Variants in GNAS-AS1 observed in about 807,000 individuals in gnomAD.
The protein encoded by GNAS-AS1 is GNAS antisense RNA 1 (non-protein coding).
chr20:58,823,235 A>G (rs1238318639), intron 4 of GNAS-AS1, among the ~76,000 whole-genome samples: 1 of 152,208 alleles, frequency 6.6e-6, no homozygotes, highest in African/African-American at 2.4e-5. Context: ...TAATATCCCC[A>G]GCTGTTTAAA....
chr20:58,827,965 T>C (rs755072098), intron 4 of GNAS-AS1, among the ~76,000 whole-genome samples: 5 of 150,732 alleles, frequency 3.3e-5, no homozygotes, highest in African/African-American at 4.9e-5. Context: ...TAAGAAGTCA[T>C]GGCTGGGAGA....
intron 4 of GNAS-AS1, among the ~76,000 whole-genome samples, chr20:58,832,950 T>C (rs764408145): frequency 4.6e-5 from 7 of 152,352 alleles, no homozygotes; most frequent in African/African-American, 1.2e-4. Flanking sequence ...TGTCCTCTAA[T>C]TGTGAGTGTG....
rs1457316562 is a variant in GNAS-AS1, at chr20:58,840,768, C to T, written n.819+1169G>A. 1.9e-6 allele frequency: 3 copies of T among 1,608,296 alleles called. No homozygotes were observed. The South Asian group carries it at 3.3e-5, about 18-fold the overall frequency. On this transcript the variant is annotated intron_variant and non_coding_transcript_variant, in intron 4 of 4. Coordinates refer to ENST00000424094, the Ensembl canonical transcript of GNAS-AS1. This position sits in a 1 kb window ranked among gnomAD's most constrained non-coding sequence, Gnocchi z 6.0. ...GAGAAGCAGCGGCGTCGCTGCAAGCCAAAGAAGCCCACCCGCCGTGACGCG... is the reference window on the plus strand; with the variant it reads ...GAGAAGCAGCGGCGTCGCTGCAAGCTAAAGAAGCCCACCCGCCGTGACGCG...
intron 4 of GNAS-AS1, among the ~76,000 whole-genome samples, chr20:58,827,995 G>GTT (rs11474601): frequency 0.58 from 87,834 of 151,984 alleles, 26,256 homozygotes; most frequent in East Asian, 0.8. Context: ...TATGTTATCA[G>GTT]TCACAGTGTA....
intron 2 of GNAS-AS1, among the ~76,000 whole-genome samples, chr20:58,846,670 C>T (rs754823030): frequency 4.6e-5 from 7 of 152,216 alleles, no homozygotes; most frequent in Non-Finnish European, 1.0e-4. Flanking sequence ...CAGAAGACCA[C>T]GTTTCTTCTC....
At chr20:58,832,235 T>A (rs886441435) in intron 4 of GNAS-AS1, among the ~76,000 whole-genome samples, 3 of 152,184 alleles carry the variant, frequency 2.0e-5, no homozygotes, top group African/African-American at 7.2e-5. Flanking sequence ...AAATATATGA[T>A]ATATATTCAC....
At chr20:58,832,563 A>C (rs1271479315) in intron 4 of GNAS-AS1, among the ~76,000 whole-genome samples, 1 of 152,204 alleles carries the variant, frequency 6.6e-6, no homozygotes, top group Non-Finnish European at 1.5e-5. Flanking sequence ...TACAGTCTAA[A>C]ATCATCATTA....
chr20:58,824,036 G>A (rs555056248), intron 4 of GNAS-AS1: 127 of 398,686 alleles, frequency 3.2e-4, no homozygotes, highest in Admixed American at 1.2e-3. Context: ...TTCCTGACAC[G>A]CTCTCTTTGG....
chr20:58,822,494 G>T (rs1038093799), intron 4 of GNAS-AS1, among the ~76,000 whole-genome samples: 2 of 152,150 alleles, frequency 1.3e-5, no homozygotes, highest in African/African-American at 4.8e-5. Context: ...ATGGCCAAAG[G>T]CTTCTGTAAA....
intron 4 of GNAS-AS1, among the ~76,000 whole-genome samples, chr20:58,833,527 G>A (rs1400460994): frequency 6.6e-6 from 1 of 152,122 alleles, no homozygotes; most frequent in Non-Finnish European, 1.5e-5. Context: ...CAGTGGAGGT[G>A]ACCTTGTAGA....
At position 58,824,913 on chromosome 20, in the gene GNAS-AS1, G is replaced by A. The variant is rs900221104; in HGVS notation, n.820-5658C>T. On this transcript the variant is annotated intron_variant and non_coding_transcript_variant, in intron 4 of 4. Transcript: ENST00000424094. ...CAGAAAAGCTGGGAGTGAGAACAGA[G>A]GTGAGTGGATGGGTTCTGTGAGAGG... Among the ~76,000 whole-genome samples the A allele has an allele frequency of 6.6e-5, 10 of 152,312 alleles. 1 individual carries two copies. Among genetic ancestry groups the A allele is most frequent in the Admixed American group, 2.6e-4 (4 of 15,304 alleles).
intron 2 of GNAS-AS1, among the ~76,000 whole-genome samples, chr20:58,843,587 G>A (rs1349791175): frequency 6.6e-6 from 1 of 152,190 alleles, no homozygotes; most frequent in Non-Finnish European, 1.5e-5. Flanking sequence ...AGAAAAAGCA[G>A]ATCTTATGGT....
At chr20:58,847,820 G>A (rs1248389312) in intron 2 of GNAS-AS1, among the ~76,000 whole-genome samples, 1 of 152,212 alleles carries the variant, frequency 6.6e-6, no homozygotes, top group Non-Finnish European at 1.5e-5. Flanking sequence ...AAAGCTGACA[G>A]GTAGCTACCT....
chr20:58,848,795 G>A, intron 2 of GNAS-AS1: 1 of 398,100 alleles, frequency 2.5e-6, no homozygotes. Context: ...AGGTGCCACA[G>A]GTGGGTCAAC....
At chr20:58,849,807 C>T (rs2086084097) in intron 1 of GNAS-AS1, among the ~76,000 whole-genome samples, 1 of 152,236 alleles carries the variant, frequency 6.6e-6, no homozygotes, top group African/African-American at 2.4e-5. Flanking sequence ...TAAACATCTC[C>T]TTTGTGCATA....
At chr20:58,842,001 C>T in exon 4 of GNAS-AS1, 1 of 893,228 alleles carries the variant, frequency 1.1e-6, no homozygotes, top group Non-Finnish European at 1.5e-6. Context: ...GGCGCCAGTC[C>T]TTGGACGATC....
At chr20:58,819,434 G>T (rs2085470330) in intron 4 of GNAS-AS1, among the ~76,000 whole-genome samples, 1 of 152,224 alleles carries the variant, frequency 6.6e-6, no homozygotes, top group Non-Finnish European at 1.5e-5. Context: ...TACTTTCACG[G>T]GCAATCTTTA....
intron 4 of GNAS-AS1, among the ~76,000 whole-genome samples, chr20:58,830,441 TACC>T (rs1367936103): frequency 1.0e-3 from 12 of 11,770 alleles, no homozygotes; most frequent in East Asian, 7.6e-3. Flanking sequence ...CCACCATCAT[TACC>T]ACCACCACCA....
exon 5 of GNAS-AS1, chr20:58,819,138 T>C (rs1247753329): frequency 7.5e-6 from 3 of 398,464 alleles, no homozygotes; most frequent in African/African-American, 6.2e-5. Context: ...TTAACTCCCA[T>C]CTAGAAGAGG....
Sources: gnomAD v4.1 joint callset for allele counts (sites outside exome capture counted in the v4.1 genomes callset) on GRCh38, gnomAD v4.1.1 for gene constraint, Gnocchi (gnomAD v3.1) non-coding constraint, MANE v1.5 for transcripts, NCBI Gene and HGNC (gene_info 2026-07-23, HGNC 2026-07-21) for gene names.